CDYL2: variants seen among roughly 807,000 people sequenced by gnomAD.
CDYL2 encodes the protein chromodomain Y like 2.
CDYL2 carries 23 observed loss-of-function variants against 49.4 expected under a neutral mutation model. The observed-to-expected ratio is 0.47, with a 90% CI of 0.34 to 0.66. CDYL2 has a LOEUF of 0.66. CDYL2 is among the 30% of genes least tolerant of loss of function. The pLI, the probability that CDYL2 is intolerant of heterozygous loss-of-function variation, is 0.01. For synonymous variants in CDYL2, 360 were observed against 268.8 expected (o/e 1.34, Z -3.32); for missense variants, 678 against 656.4 (o/e 1.03, Z -0.36).
intron 2 of CDYL2, among the ~76,000 whole-genome samples, chr16:80,683,712 A>C (rs1910060225): frequency 6.6e-6 from 1 of 152,198 alleles, no homozygotes; most frequent in Non-Finnish European, 1.5e-5. Flanking sequence ...TAATTAAGTC[A>C]TAAGAGCTCC....
intron 2 of CDYL2, among the ~76,000 whole-genome samples, chr16:80,653,388 C>T (rs1487834727): frequency 6.6e-6 from 1 of 152,088 alleles, no homozygotes; most frequent in Admixed American, 6.5e-5. Flanking sequence ...TCGCTTGAAC[C>T]CAGGAGGTGG....
At chr16:80,608,306 T>C (rs1906439308) in intron 5 of CDYL2, 71 bp from the exon 6 acceptor site, 1 of 1,439,810 alleles carries the variant, frequency 6.9e-7, no homozygotes, top group Non-Finnish European at 9.2e-7. Flanking sequence ...GGTCCAGGGC[T>C]TGCCACCTGC....
intron 1 of CDYL2, among the ~76,000 whole-genome samples, chr16:80,701,237 A>G (rs1904299319): frequency 6.6e-6 from 1 of 152,250 alleles, no homozygotes; most frequent in Admixed American, 6.5e-5. Flanking sequence ...GATCCCATTT[A>G]TGTCAAAATA....
At chr16:80,739,027 G>A (rs922084861) in intron 1 of CDYL2, among the ~76,000 whole-genome samples, 1 of 152,176 alleles carries the variant, frequency 6.6e-6, no homozygotes, top group Non-Finnish European at 1.5e-5. Flanking sequence ...ATGGATGAAT[G>A]GATAAACAAA....
At chr16:80,749,032 G>T (rs758194441) in intron 1 of CDYL2, among the ~76,000 whole-genome samples, 36 of 152,034 alleles carry the variant, frequency 2.4e-4, no homozygotes, top group Non-Finnish European at 1.9e-4. Context: ...CTGTAAACTG[G>T]ATATACACTG....
At chr16:80,735,883 T>G (rs556853320) in intron 1 of CDYL2, among the ~76,000 whole-genome samples, 3 of 152,170 alleles carry the variant, frequency 2.0e-5, no homozygotes, top group African/African-American at 7.2e-5. Flanking sequence ...ACACAGCCTG[T>G]CCACATCCAA....
At chr16:80,714,777 C>T (rs1202635812) in intron 1 of CDYL2, among the ~76,000 whole-genome samples, 2 of 152,188 alleles carry the variant, frequency 1.3e-5, no homozygotes, top group African/African-American at 4.8e-5. Context: ...GAGGGTTGCT[C>T]AGTGACAGGA....
chr16:80,712,374 G>A (rs1904648731), intron 1 of CDYL2, among the ~76,000 whole-genome samples: 1 of 151,742 alleles, frequency 6.6e-6, no homozygotes, highest in African/African-American at 2.4e-5. Flanking sequence ...TGTCCTTTGT[G>A]TACCCTTACA....
intron 1 of CDYL2, among the ~76,000 whole-genome samples, chr16:80,732,142 G>A (rs1597104919): frequency 6.6e-6 from 1 of 152,184 alleles, no homozygotes; most frequent in Non-Finnish European, 1.5e-5. Context: ...AATCCATAAT[G>A]ATGACAGTGT....
rs1298559232 is a variant in CDYL2 at position 80,716,204 on chromosome 16, C to T, written c.25-31075G>A. 4.6e-5 allele frequency among the ~76,000 whole-genome samples: 7 copies of T among 152,384 alleles called. No homozygotes were observed. In the East Asian group the frequency reaches 1.3e-3, roughly 29 times the overall value. ...TCACTTCATCAAAGAGAAGCCTCCT[C>T]TGTGGCTCCCCACACTAAGATTCCT... On this transcript the variant is annotated intron_variant, in intron 1 of 6. Transcript: ENST00000570137.
chr16:80,757,337 C>T (rs964320610), intron 1 of CDYL2, among the ~76,000 whole-genome samples: 16 of 151,858 alleles, frequency 1.1e-4, no homozygotes, highest in Middle Eastern at 3.4e-3. Context: ...CCTAGGAGTC[C>T]GAGACCAGCC....
chr16:80,618,582 G>C (rs564295784), intron 4 of CDYL2, among the ~76,000 whole-genome samples: 15 of 152,280 alleles, frequency 9.9e-5, no homozygotes, highest in African/African-American at 3.6e-4. Context: ...GACCCCCTGG[G>C]TACCCTGTTT....
intron 1 of CDYL2, among the ~76,000 whole-genome samples, chr16:80,689,803 C>A (rs1422904694): frequency 6.6e-6 from 1 of 152,172 alleles, no homozygotes; most frequent in East Asian, 1.9e-4. Flanking sequence ...AGGAGCACAA[C>A]ATAATATGTA....
At chr16:80,648,282 G>A (rs1053929927) in intron 2 of CDYL2, among the ~76,000 whole-genome samples, 4 of 151,988 alleles carry the variant, frequency 2.6e-5, no homozygotes, top group Non-Finnish European at 4.4e-5. Context: ...AAAACAGAGA[G>A]AAGACCCAAA....
At chr16:80,635,511 G>A (rs1467721048) in intron 2 of CDYL2, among the ~76,000 whole-genome samples, 1 of 152,156 alleles carries the variant, frequency 6.6e-6, no homozygotes, top group African/African-American at 2.4e-5. Flanking sequence ...TACAAGGGAT[G>A]TGAAGGACCT....
At chr16:80,723,014 A>C (rs1394174138) in intron 1 of CDYL2, among the ~76,000 whole-genome samples, 1 of 152,226 alleles carries the variant, frequency 6.6e-6, no homozygotes, top group East Asian at 1.9e-4. Context: ...ATGGGGCCAT[A>C]ACCCTTTTCT....
At chr16:80,667,336 G>C (rs923526299) in intron 2 of CDYL2, among the ~76,000 whole-genome samples, 3 of 152,198 alleles carry the variant, frequency 2.0e-5, no homozygotes, top group Non-Finnish European at 4.4e-5. Context: ...TGTATTCTTT[G>C]TGATGTGTCA....
At chr16:80,793,533 T>C (rs1482974173) in intron 1 of CDYL2, among the ~76,000 whole-genome samples, 1 of 152,168 alleles carries the variant, frequency 6.6e-6, no homozygotes, top group Non-Finnish European at 1.5e-5. Flanking sequence ...CCTGGAAGCA[T>C]AGGTTTCAAA....
chr16:80,765,085 T>C (rs951671284), intron 1 of CDYL2, among the ~76,000 whole-genome samples: 11 of 146,074 alleles, frequency 7.5e-5, no homozygotes, highest in Admixed American at 5.5e-4. Context: ...AGAATTTAGT[T>C]CCTCATATAA....
Sources: allele counts gnomAD v4.1 joint callset (sites outside exome capture counted in the v4.1 genomes callset), GRCh38; gene constraint gnomAD v4.1.1; transcripts MANE v1.5; gene names NCBI Gene and HGNC (gene_info 2026-07-23, HGNC 2026-07-21).